The following PRRC2C variants were observed in gnomAD, a reference collection of about 807,000 sequenced individuals.
The protein encoded by PRRC2C is proline rich coiled-coil 2C.
Under a neutral mutation model 317.2 loss-of-function variants are expected in PRRC2C, and 72 were observed. The ratio of observed to expected loss-of-function variants is 0.23; its 90% confidence interval spans 0.19 to 0.28. The LOEUF is 0.28. Among genes scored for constraint, PRRC2C ranks in the 10% least tolerant of loss-of-function variants. PRRC2C has a pLI of 1.00. For synonymous variants in PRRC2C, 1,296 were observed against 1,205.9 expected, an observed-to-expected ratio of 1.07 and a Z score of -1.55; for missense variants, 3,074 against 3,459.7, an observed-to-expected ratio of 0.89 and a Z score of 2.80.
In PRRC2C at chr1:171,591,599, G is replaced by A. The variant is rs1281629432; in HGVS notation, c.8449G>A (p.Ala2817Thr). 6.2e-7 allele frequency: 1 copy of A among 1,613,634 alleles called. No homozygotes were observed. Among genetic ancestry groups the A allele is most frequent in the Non-Finnish European group, 8.5e-7 (1 of 1,179,746 alleles). The change falls in exon 35 of 35, where the codon GCA (alanine) becomes ACA (threonine). Residue 2817 changes from alanine to threonine, a missense_variant. Coordinates refer to ENST00000647382, the MANE Select transcript of PRRC2C (RefSeq NM_001387844.1). ...AEQDMKAKQR[A>T]EVLQSTQRFF... The stretch of plus-strand genomic sequence containing the variant: ...CTCATTTTTTAAGGCAAAGCAGAGA[G>A]CAGAGGTTCTTCAGTCCACGCAACG...
At chr1:171,556,680 CA>C (rs1441553599) in intron 18 of PRRC2C, among the ~76,000 whole-genome samples, 2 of 152,218 alleles carry the variant, frequency 1.3e-5, no homozygotes, top group African/African-American at 4.8e-5. Flanking sequence ...CTAATGAACA[CA>C]AATATCACGA....
intron 6 of PRRC2C, among the ~76,000 whole-genome samples, chr1:171,520,078 T>G (rs1384541857): frequency 1.3e-5 from 2 of 152,172 alleles, no homozygotes; most frequent in African/African-American, 4.8e-5. Flanking sequence ...TTCTCCCGCC[T>G]CAACCTTCCA....
chr1:171,573,673 C>CTT (rs1024285954), intron 24 of PRRC2C, among the ~76,000 whole-genome samples: 36,166 of 86,006 alleles, frequency 0.42, 8,416 homozygotes, highest in East Asian at 0.65. Flanking sequence ...TCTCAAAATT[C>CTT]TTTTTTTTTT....
intron 30 of PRRC2C, among the ~76,000 whole-genome samples, chr1:171,585,889 A>G (rs953820501): frequency 2.0e-5 from 3 of 152,100 alleles, no homozygotes; most frequent in Non-Finnish European, 4.4e-5. Context: ...TTGCGTATAC[A>G]TAATGAGGTG....
At chr1:171,504,691 G>GT (rs1399540874) in intron 1 of PRRC2C, among the ~76,000 whole-genome samples, 34 of 152,114 alleles carry the variant, frequency 2.2e-4, no homozygotes, top group Non-Finnish European at 2.5e-4. Flanking sequence ...AAAGCAAGTA[G>GT]TATTCACCTT....
chr1:171,553,943 G>A (rs1680820410), intron 18 of PRRC2C, among the ~76,000 whole-genome samples: 1 of 152,178 alleles, frequency 6.6e-6, no homozygotes, highest in Admixed American at 6.5e-5. Context: ...TGTATATTCT[G>A]TTGATTTGGG....
chr1:171,524,903 C>G lies in PRRC2C; in HGVS notation c.1138C>G (p.Gln380Glu). The stretch of plus-strand genomic sequence containing the variant: ...AGTTTCCAACACTAAATCATCTTCC[C>G]AAATACCTGCCCAACCATCAGTAGC... ...DEVSNTKSSS[Q>E]IPAQPSVAKV... Residue 380 changes from glutamine (Q) to glutamate (E), a missense_variant, in exon 10 of 35, where the codon CAA (glutamine) becomes GAA (glutamate). By Grantham distance (29) the Gln-to-Glu change is conservative (BLOSUM62 2). Coordinates refer to ENST00000647382, the MANE Select transcript of PRRC2C (RefSeq NM_001387844.1). 1 of 1,611,286 alleles carries G rather than the reference C, an allele frequency of 6.2e-7. No individual in the cohort carries two copies. Among genetic ancestry groups the G allele is most frequent in the Non-Finnish European group, 8.5e-7 (1 of 1,178,460 alleles).
At chr1:171,497,590 G>T (rs1350165800) in intron 1 of PRRC2C, among the ~76,000 whole-genome samples, 1 of 151,806 alleles carries the variant, frequency 6.6e-6, no homozygotes, top group Non-Finnish European at 1.5e-5. Context: ...TTCTGTCTCA[G>T]TCTCCTGAGC....
rs200495469 is a variant in PRRC2C, at chr1:171,527,882, ATT to A, written c.1254+40_1254+41del. On this transcript the variant is annotated intron_variant, in intron 11 of 34. Transcript: ENST00000647382. ...TGCTTGTTTATGGATTATATATTTTATTTGACCTTTTGTTTTGGTGGAAAGAC... is the reference window on the plus strand; with the variant it reads ...TGCTTGTTTATGGATTATATATTTTATGACCTTTTGTTTTGGTGGAAAGAC... The A allele has an allele frequency of 8.7e-4, 1,322 of 1,514,936 alleles. 9 individuals are homozygous for A. In the African/African-American group the frequency reaches 0.014, roughly 16 times the overall value. 93.8% of individuals were successfully genotyped at this position (1,514,936 alleles called of 1,614,324 possible).
chr1:171,505,594 T>C (rs1444302312), intron 1 of PRRC2C, among the ~76,000 whole-genome samples: 1 of 152,222 alleles, frequency 6.6e-6, no homozygotes, highest in Non-Finnish European at 1.5e-5. Context: ...GAACTTTTAG[T>C]ATAGTGTTGA....
In PRRC2C at chr1:171,584,413, T is replaced by C; in HGVS notation, c.7642-6T>C. The C allele has an allele frequency of 6.5e-7, 1 of 1,545,314 alleles. No individual in the cohort carries two copies. Among genetic ancestry groups the C allele is most frequent in the Non-Finnish European group, 8.7e-7 (1 of 1,149,912 alleles). On this transcript the variant is annotated splice_region_variant and splice_polypyrimidine_tract_variant and intron_variant, in intron 29 of 34. Transcript: ENST00000647382. ...TACTCATGTTTTCTTAAAAAATTTT[T>C]TCTAGGCCAGAGCAAATCTTACCCA...
chr1:171,593,014 A>T lies in PRRC2C; in HGVS notation c.*1167A>T, dbSNP rs1413853381. The T allele has an allele frequency of 6.6e-6, 1 of 152,004 alleles. No homozygotes were observed. The highest frequency in any genetic ancestry group is 1.5e-5 in the Non-Finnish European group (1 of 67,980). The allele number at this position is 152,004 out of a possible 1,614,324, so 9.4% of individuals were successfully genotyped here. ...TATCAGAGCTGTTTTTAATGATGTT[A>T]TTCTAGAATGTTTTCTTTCCAGATG... On this transcript the variant is annotated 3_prime_UTR_variant, in exon 35 of 35. Transcript: ENST00000647382.
At position 171,522,245 on chromosome 1, in the gene PRRC2C, A is replaced by G. The variant is rs879068894; in HGVS notation, c.819A>G (p.Leu273=). 3.8e-6 allele frequency: 6 copies of G among 1,578,346 alleles called. No homozygotes were observed. Among genetic ancestry groups the G allele is most frequent in the South Asian group, 1.1e-5 (1 of 89,886 alleles). ...GTCCCATGAGATTCCCACCTTCTTT[A>G]TCTGAAACAAACAAGTAAGGCTATT... ...LHGPMRFPPS[L]SETNKGLRGR... The change falls in exon 7 of 35, where the codon TTA becomes TTG. Residue 273 remains leucine (L), a synonymous_variant. Transcript: ENST00000647382.
intron 22 of PRRC2C, among the ~76,000 whole-genome samples, chr1:171,567,233 G>C (rs1384286338): frequency 2.6e-5 from 4 of 152,084 alleles, no homozygotes; most frequent in Admixed American, 2.0e-4. Context: ...CTCCAGTATA[G>C]CCAGTTTTTT....
At position 171,541,893 on chromosome 1, in the gene PRRC2C, A is replaced by T; in HGVS notation, c.4427A>T (p.Asp1476Val). The T allele has an allele frequency of 6.2e-7, 1 of 1,613,826 alleles. No individual in the cohort carries two copies. ...VAQEPVNTLG[D>V]ISGNKTPDLS... ...CAAGAACCAGTTAATACTCTTGGGGATATTTCCGGGAATAAGACACCAGAT... is the reference window on the plus strand; with the variant it reads ...CAAGAACCAGTTAATACTCTTGGGGTTATTTCCGGGAATAAGACACCAGAT... Residue 1476 changes from aspartate to valine, a missense_variant, in exon 16 of 35, where the codon GAT (aspartate) becomes GTT (valine). Physicochemically the swap from Asp to Val is radical, Grantham distance 152 (BLOSUM62 -3). Coordinates refer to ENST00000647382, the MANE Select transcript of PRRC2C (RefSeq NM_001387844.1). This position sits in a 1 kb window ranked among gnomAD's most constrained non-coding sequence, Gnocchi z 4.1.
At chr1:171,495,316 C>T (rs1047032953) in intron 1 of PRRC2C, among the ~76,000 whole-genome samples, 1 of 152,174 alleles carries the variant, frequency 6.6e-6, no homozygotes, top group South Asian at 2.1e-4. Context: ...GTTAATATGA[C>T]TGTATAACTA....
chr1:171,585,534 A>T (rs183776363), intron 30 of PRRC2C, among the ~76,000 whole-genome samples: 1 of 152,324 alleles, frequency 6.6e-6, no homozygotes, highest in East Asian at 1.9e-4. Flanking sequence ...ATTGACATTC[A>T]GATTAAATAT....
Position 171,536,202 on chromosome 1 carries a change from G to C in PRRC2C, c.2217G>C (p.Trp739Cys). Residue 739 changes from tryptophan to cysteine, a missense_variant, in exon 14 of 35, where the codon TGG (tryptophan) becomes TGC (cysteine). Coordinates refer to ENST00000647382, the MANE Select transcript of PRRC2C (RefSeq NM_001387844.1). Reference sequence around the variant, plus strand: ...CTTCTATGGGTTTTGATCCAAGGTGGCTCATGATGCAGTCCTACATGGATC... The same window carrying C: ...CTTCTATGGGTTTTGATCCAAGGTGCCTCATGATGCAGTCCTACATGGATC... ...HLASMGFDPR[W>C]LMMQSYMDPR... is the part of the protein sequence containing the mutation. 6.2e-7 allele frequency: 1 copy of C among 1,613,380 alleles called. No individual in the cohort carries two copies. Among genetic ancestry groups the C allele is most frequent in the Non-Finnish European group, 8.5e-7 (1 of 1,179,608 alleles).
At chr1:171,495,668 G>T (rs1403948108) in intron 1 of PRRC2C, among the ~76,000 whole-genome samples, 1 of 152,136 alleles carries the variant, frequency 6.6e-6, no homozygotes, top group African/African-American at 2.4e-5. Flanking sequence ...TTTTTTTAAG[G>T]TTTATATTTT....
Sources: allele counts gnomAD v4.1 joint callset (sites outside exome capture counted in the v4.1 genomes callset), GRCh38; gene constraint gnomAD v4.1.1; non-coding constraint Gnocchi (gnomAD v3.1); transcripts MANE v1.5; gene names NCBI Gene and HGNC (gene_info 2026-07-23, HGNC 2026-07-21).